The following RPAIN variants were observed in gnomAD, a reference collection of about 807,000 sequenced individuals.
RPAIN encodes RPA-interacting protein.
In RPAIN, 29 loss-of-function variants were observed where a neutral mutation model predicts 30.5. The ratio of observed to expected loss-of-function variants is 0.95; its 90% CI spans 0.71 to 1.30. The LOEUF (loss-of-function observed/expected upper bound fraction) is 1.30. RPAIN is among the 50% of genes most tolerant of loss of function. RPAIN has a pLI of 0.00. For synonymous variants in RPAIN, 101 were observed against 93.5 expected, an observed-to-expected ratio of 1.08 and a Z score of -0.46; for missense variants, 247 against 264.7, an observed-to-expected ratio of 0.93 and a Z score of 0.46.
Position 5,428,137 on chromosome 17 carries a change from C to T in RPAIN, c.556C>T (p.His186Tyr). 6.2e-7 allele frequency: 1 copy of T among 1,614,136 alleles called. No individual in the cohort carries two copies. Among genetic ancestry groups the T allele is most frequent in the South Asian group, 1.1e-5 (1 of 91,078 alleles). ...LEGSINEHSA[H>Y]CPHTPEFSVT... ...GGGTAGTATAAATGAGCACAGTGCACATTGTCCCCACACACCTGAATTTTC... is the reference window on the plus strand; with the variant it reads ...GGGTAGTATAAATGAGCACAGTGCATATTGTCCCCACACACCTGAATTTTC... The change falls in exon 6 of 7, where the codon CAT becomes TAT. Residue 186 changes from histidine to tyrosine, a missense_variant. Coordinates refer to ENST00000381209, the MANE Select transcript of RPAIN (RefSeq NM_001033002.4).
chr17:5,420,215 C>A lies in RPAIN; in HGVS notation c.5C>A (p.Ala2Glu), dbSNP rs3026147. M[A>E]ESLRSPRRSL... ...TTTGTCTCCCGCGAAGAGGAGATGG[C>A]GGAGTCGTTGAGGTCTCCGCGCCGC... Residue 2 changes from alanine (A) to glutamate (E), a missense_variant, in exon 1 of 7, where the codon GCG becomes GAG. Transcript: ENST00000381209. 2.5e-6 allele frequency: 4 copies of A among 1,612,910 alleles called. No individual in the cohort carries two copies. The highest frequency in any genetic ancestry group is 1.1e-5 in the South Asian group (1 of 90,938).
Position 5,426,393 on chromosome 17 carries a change from A to G in RPAIN, c.489+94A>G, listed in dbSNP as rs1333539107. On this transcript the variant is annotated intron_variant, in intron 5 of 6. Transcript: ENST00000381209. ...AGTGCTGACTTGGAGCCCATTGTGC[A>G]TATTTCTTCCCAGTTTTATGTTCAG... is the stretch of plus-strand genomic sequence containing the variant. 37 of 1,088,742 alleles carry G rather than the reference A, an allele frequency of 3.4e-5. No homozygotes were observed. The East Asian group carries it at 5.2e-4, about 15-fold the overall frequency. 67.4% of individuals were successfully genotyped at this position (1,088,742 alleles called of 1,614,324 possible).
chr17:5,421,567 C>A, intron 2 of RPAIN, 101 bp downstream of exon 2: 2 of 1,023,188 alleles, frequency 2.0e-6, no homozygotes, highest in Non-Finnish European at 2.8e-6. Flanking sequence ...ACCCACCATT[C>A]CCCTAACCCC....
rs141362856 is a variant in RPAIN, at chr17:5,429,933, C to T, written c.630+1722C>T. ...CTGTAATCCCAGCACTTTGGGAGGCCGAGGTGGGCAGATCACCTGAGGTCA... is the reference window on the plus strand; with the variant it reads ...CTGTAATCCCAGCACTTTGGGAGGCTGAGGTGGGCAGATCACCTGAGGTCA... On this transcript the variant is annotated intron_variant, in intron 6 of 6. Transcript: ENST00000381209. 571 of 238,798 alleles carry T rather than the reference C, an allele frequency of 2.4e-3. 1 individual carries two copies. The highest frequency in any genetic ancestry group is 7.4e-3 in the African/African-American group (314 of 42,378). 14.8% of individuals were successfully genotyped at this position (238,798 alleles called of 1,614,324 possible). A position where few individuals can be genotyped will look rare whatever the true frequency, so the allele number is the denominator to read the frequency against.
chr17:5,421,511 A>G (rs1473057528), intron 2 of RPAIN, 45 bp downstream of exon 2: 3 of 1,573,876 alleles, frequency 1.9e-6, no homozygotes, highest in Admixed American at 1.8e-5. Context: ...CTGCACCACC[A>G]AGAACGGCTC....
At chr17:5,431,791 A>G (rs1915982400) in intron 6 of RPAIN, 2 of 378,016 alleles carry the variant, frequency 5.3e-6, no homozygotes, top group South Asian at 4.0e-5. Context: ...GAATATGCCA[A>G]ACCGCCTATT....
chr17:5,431,579 G>T (rs1307154886), intron 6 of RPAIN: 1 of 455,142 alleles, frequency 2.2e-6, no homozygotes, highest in South Asian at 1.6e-5. Context: ...GAATGCTCTA[G>T]TTCCACTAGA....
chr17:5,428,561 A>G, intron 6 of RPAIN: 2 of 1,229,760 alleles, frequency 1.6e-6, no homozygotes, highest in Non-Finnish European at 1.0e-6. Flanking sequence ...TTGCGGAAGG[A>G]AACAGGGCAG....
chr17:5,426,367 C>A, intron 5 of RPAIN, 68 bp downstream of exon 5: 1 of 1,343,200 alleles, frequency 7.4e-7, no homozygotes, highest in Non-Finnish European at 1.1e-6. Flanking sequence ...GAAGATCCTC[C>A]AGTGCTGACT....
chr17:5,431,452 G>T, intron 6 of RPAIN: 1 of 449,114 alleles, frequency 2.2e-6, no homozygotes, highest in Non-Finnish European at 4.4e-6. Flanking sequence ...GCGCCATTGC[G>T]CTCCAGGCTG....
chr17:5,426,639 ATTTTTT>A, intron 5 of RPAIN: 1 of 148,584 alleles, frequency 6.7e-6, no homozygotes, highest in Non-Finnish European at 1.4e-5. Context: ...AGCTTCAGTA[ATTTTTT>A]TTTTTTTTTT....
rs201068999 is a variant in RPAIN at position 5,428,149 on chromosome 17, A to C, written c.568A>C (p.Thr190Pro). ...INEHSAHCPHTPEFSVTGGTE... is the reference protein window; with the variant it reads ...INEHSAHCPHPPEFSVTGGTE... ...TGAGCACAGTGCACATTGTCCCCACACACCTGAATTTTCAGTCACTGGAGG... is the reference window on the plus strand; with the variant it reads ...TGAGCACAGTGCACATTGTCCCCACCCACCTGAATTTTCAGTCACTGGAGG... The change falls in exon 6 of 7, where the codon ACA becomes CCA. Residue 190 changes from threonine to proline, a missense_variant. Physicochemically the swap from Thr to Pro is conservative, Grantham distance 38. Coordinates refer to ENST00000381209, the MANE Select transcript of RPAIN (RefSeq NM_001033002.4). 4 of 1,614,178 alleles carry C rather than the reference A, an allele frequency of 2.5e-6. No homozygotes were observed. The South Asian group carries it at 3.3e-5, about 13-fold the overall frequency.
At chr17:5,431,443 C>T (rs1333139712) in intron 6 of RPAIN, 12 of 443,740 alleles carry the variant, frequency 2.7e-5, no homozygotes, top group East Asian at 2.2e-4. Flanking sequence ...GCTGAGAGGG[C>T]GCCATTGCGC....
intron 2 of RPAIN, among the ~76,000 whole-genome samples, chr17:5,422,262 G>C (rs1914939627): frequency 6.6e-6 from 1 of 152,168 alleles, no homozygotes; most frequent in African/African-American, 2.4e-5. Context: ...AGAAGATAAT[G>C]TTTTCAGCAT....
At position 5,421,293 on chromosome 17, in the gene RPAIN, C is replaced by T. The variant is rs1295569820; in HGVS notation, c.82-3C>T. 8 of 1,581,808 alleles carry T rather than the reference C, an allele frequency of 5.1e-6. No homozygotes were observed. Among genetic ancestry groups the T allele is most frequent in the Non-Finnish European group, 6.0e-6 (7 of 1,166,886 alleles). ...CCCCCCCAATCTTGCTCTTTTTTCC[C>T]AGAGATGCCTGGAGAGAATGAGAAA... On this transcript the variant is annotated splice_region_variant and splice_polypyrimidine_tract_variant and intron_variant, in intron 1 of 6. Transcript: ENST00000381209.
At chr17:5,428,758 T>C in intron 6 of RPAIN, 1 of 1,008,548 alleles carries the variant, frequency 9.9e-7, no homozygotes, top group African/African-American at 1.7e-5. Context: ...TTTCCATATA[T>C]GTGTATGTAT....
At chr17:5,427,772 G>A in intron 5 of RPAIN, 1 of 418,238 alleles carries the variant, frequency 2.4e-6, no homozygotes, top group Non-Finnish European at 4.4e-6. Flanking sequence ...CAGCTGGTGG[G>A]GGCAGAGGCA....
rs553032511 is a variant in RPAIN at position 5,432,695 on chromosome 17, G to GA, written c.*133dup. ...ATTGAAACTTTTAAACAATACTGAA[G>GA]AAAAAAAAACTTTTCCGACATCTGT... On this transcript the variant is annotated 3_prime_UTR_variant, in exon 7 of 7. Coordinates refer to ENST00000381209, the MANE Select transcript of RPAIN (RefSeq NM_001033002.4). 2,535 of 1,024,804 alleles carry GA rather than the reference G, an allele frequency of 2.5e-3. 1 individual carries two copies. Among genetic ancestry groups the GA allele is most frequent in the South Asian group, 3.1e-3 (195 of 62,742 alleles). 63.5% of individuals were successfully genotyped at this position (1,024,804 alleles called of 1,614,324 possible).
intron 6 of RPAIN, chr17:5,430,432 T>C (rs966980429): frequency 6.6e-6 from 1 of 151,416 alleles, no homozygotes; most frequent in African/African-American, 2.4e-5. Context: ...ACGCCACTGC[T>C]CTCCAGCCTG....
Sources: allele counts gnomAD v4.1 joint callset (sites outside exome capture counted in the v4.1 genomes callset), GRCh38; gene constraint gnomAD v4.1.1; transcripts MANE v1.5; gene names NCBI Gene and HGNC (gene_info 2026-07-23, HGNC 2026-07-21).